NRCAM: variants seen among roughly 807,000 people sequenced by gnomAD.
NRCAM encodes neuronal cell adhesion molecule.
NRCAM carries 83 observed loss-of-function variants against 156.5 expected under a neutral mutation model. That is an observed-to-expected ratio of 0.53 (90% CI 0.44 to 0.64). The LOEUF (loss-of-function observed/expected upper bound fraction) is 0.64, where lower values mean the gene tolerates loss of function less well. Among genes scored for constraint, NRCAM ranks in the 30% least tolerant of loss-of-function variants. NRCAM has a pLI of 0.00. For missense variants in NRCAM, 1,417 were observed against 1,597.3 expected, an observed-to-expected ratio of 0.89 and a Z score of 1.92; for synonymous variants, 538 against 563.9, an observed-to-expected ratio of 0.95 and a Z score of 0.65.
At chr7:108,436,069 G>A (rs1205335291) in intron 1 of NRCAM, among the ~76,000 whole-genome samples, 1 of 152,248 alleles carries the variant, frequency 6.6e-6, no homozygotes, top group South Asian at 2.1e-4. Context: ...GGGAGGCGGA[G>A]CTTGCAGTGA....
At chr7:108,178,641 G>C (rs538417781) in intron 25 of NRCAM, among the ~76,000 whole-genome samples, 1 of 152,248 alleles carries the variant, frequency 6.6e-6, no homozygotes, top group South Asian at 2.1e-4. Context: ...GTGGTGAATG[G>C]ACAAAAGCCC....
At chr7:108,270,945 T>C (rs960078855) in intron 3 of NRCAM, among the ~76,000 whole-genome samples, 1 of 152,188 alleles carries the variant, frequency 6.6e-6, no homozygotes, top group Non-Finnish European at 1.5e-5. Context: ...TGTAGATAGA[T>C]GGTGGTGATG....
chr7:108,272,510 AC>A (rs1378549130), intron 3 of NRCAM, among the ~76,000 whole-genome samples: 7 of 152,184 alleles, frequency 4.6e-5, no homozygotes, highest in Non-Finnish European at 1.0e-4. Context: ...AAATGTTTGT[AC>A]GTTTTACTGA....
intron 2 of NRCAM, among the ~76,000 whole-genome samples, chr7:108,396,135 A>G (rs2099776177): frequency 6.6e-6 from 1 of 152,214 alleles, no homozygotes; most frequent in Non-Finnish European, 1.5e-5. Flanking sequence ...GTGTGTGTCT[A>G]TCATGCAGCG....
Position 108,416,811 on chromosome 7 carries a change from A to G in NRCAM, c.-331-17218T>C, listed in dbSNP as rs1170671861. ...ATCCTGTTAATTACTATTGCCATTC[A>G]TAATTAAGGGAGGTTCCTCATGGAT... is the stretch of plus-strand genomic sequence containing the variant. On this transcript the variant is annotated intron_variant, in intron 1 of 32. Coordinates refer to ENST00000379028, the MANE Select transcript of NRCAM (RefSeq NM_001037132.4). Among the ~76,000 whole-genome samples the G allele has an allele frequency of 2.0e-5, 3 of 152,224 alleles. No homozygotes were observed. In the East Asian group the frequency reaches 5.8e-4, roughly 29 times the overall value.
At chr7:108,361,801 A>T (rs552503930) in intron 2 of NRCAM, among the ~76,000 whole-genome samples, 1 of 152,320 alleles carries the variant, frequency 6.6e-6, no homozygotes, top group East Asian at 1.9e-4. Context: ...ATATGTGGAA[A>T]TGTATAAGTA....
intron 8 of NRCAM, among the ~76,000 whole-genome samples, chr7:108,227,659 CCTGA>C (rs112201268): frequency 0.021 from 3,237 of 152,194 alleles, 127 homozygotes; most frequent in African/African-American, 0.073. Flanking sequence ...TCCTGAAGCT[CCTGA>C]CTTAGTCCAC....
chr7:108,453,177 A>C (rs993858183), intron 1 of NRCAM, among the ~76,000 whole-genome samples: 2 of 152,214 alleles, frequency 1.3e-5, no homozygotes, highest in Non-Finnish European at 2.9e-5. Context: ...AATGAATGAA[A>C]TCTTTTTAAC....
intron 2 of NRCAM, among the ~76,000 whole-genome samples, chr7:108,348,668 C>T (rs924528523): frequency 2.6e-5 from 4 of 152,064 alleles, no homozygotes; most frequent in Non-Finnish European, 5.9e-5. Flanking sequence ...AATTCCAACA[C>T]TCTGGGAGGC....
chr7:108,158,547 C>T (rs2046911007), intron 32 of NRCAM, among the ~76,000 whole-genome samples: 1 of 151,996 alleles, frequency 6.6e-6, no homozygotes, highest in Non-Finnish European at 1.5e-5. Flanking sequence ...ACAAATGTTG[C>T]CTGGTAATCC....
chr7:108,298,863 T>G (rs1394667831), intron 3 of NRCAM, among the ~76,000 whole-genome samples: 3 of 151,162 alleles, frequency 2.0e-5, no homozygotes, highest in African/African-American at 7.3e-5. Flanking sequence ...CCCAGCACTT[T>G]GTGAAGCCGA....
intron 1 of NRCAM, among the ~76,000 whole-genome samples, chr7:108,444,090 C>T (rs988829387): frequency 6.6e-6 from 1 of 151,950 alleles, no homozygotes; most frequent in African/African-American, 2.4e-5. Context: ...ATAAATAAAA[C>T]AATGCAACAA....
intron 10 of NRCAM, 106 bp downstream of exon 10, chr7:108,225,539 C>G (rs1400748280): frequency 2.6e-6 from 2 of 776,086 alleles, no homozygotes; most frequent in Admixed American, 1.8e-5. Context: ...TAACATATAA[C>G]TAGAAATCTC....
At chr7:108,172,481 A>T (rs772416424) in intron 28 of NRCAM, among the ~76,000 whole-genome samples, 1 of 152,102 alleles carries the variant, frequency 6.6e-6, no homozygotes, top group Non-Finnish European at 1.5e-5. Context: ...TTTTTAGTAG[A>T]GATGGGGTTT....
chr7:108,314,356 A>AG (rs1216744089), intron 2 of NRCAM, among the ~76,000 whole-genome samples: 2 of 152,238 alleles, frequency 1.3e-5, no homozygotes, highest in Admixed American at 1.3e-4. Context: ...TCAAGAGAAT[A>AG]GGGTAATACA....
intron 3 of NRCAM, among the ~76,000 whole-genome samples, chr7:108,311,108 T>A (rs1457105034): frequency 6.6e-6 from 1 of 152,222 alleles, no homozygotes; most frequent in East Asian, 1.9e-4. Context: ...CAGTGGCCGC[T>A]GTTTTCCCTG....
chr7:108,206,936 C>T (rs914618515), intron 13 of NRCAM, among the ~76,000 whole-genome samples: 2 of 152,248 alleles, frequency 1.3e-5, no homozygotes, highest in Admixed American at 6.5e-5. Context: ...AGGATGATAG[C>T]AGCAGCTCTC....
chr7:108,379,281 A>G (rs2099690665), intron 2 of NRCAM, among the ~76,000 whole-genome samples: 1 of 152,198 alleles, frequency 6.6e-6, no homozygotes, highest in Non-Finnish European at 1.5e-5. Flanking sequence ...ATGATAAAGG[A>G]ACGTATAATG....
At chr7:108,264,108 G>A (rs1268788445) in intron 3 of NRCAM, among the ~76,000 whole-genome samples, 1 of 152,122 alleles carries the variant, frequency 6.6e-6, no homozygotes, top group East Asian at 1.9e-4. Context: ...TGCGCAAGTA[G>A]CTGGTATTAC....
Sources: gnomAD v4.1 joint callset for allele counts (sites outside exome capture counted in the v4.1 genomes callset) on GRCh38, gnomAD v4.1.1 for gene constraint, MANE v1.5 for transcripts, NCBI Gene and HGNC (gene_info 2026-07-23, HGNC 2026-07-21) for gene names.